The following PRKDC variants were observed in gnomAD, a reference collection of about 807,000 sequenced individuals.
PRKDC encodes protein kinase, DNA-activated, catalytic subunit, also known as DNA-dependent protein kinase catalytic subunit.
Under a neutral mutation model 486.9 loss-of-function variants are expected in PRKDC, and 82 were observed. That is an observed-to-expected ratio of 0.17 (90% CI 0.14 to 0.20). PRKDC has a LOEUF of 0.20. Among genes scored for constraint, PRKDC ranks in the 10% least tolerant of loss-of-function variants. The pLI is 1.00. For synonymous variants in PRKDC, 1,895 were observed against 1,837.0 expected (o/e 1.03, Z -0.81); for missense variants, 4,504 against 5,038.2 (o/e 0.89, Z 3.21).
intron 40 of PRKDC, among the ~76,000 whole-genome samples, chr8:47,876,285 C>T (rs1170880224): frequency 2.0e-5 from 3 of 152,120 alleles, no homozygotes; most frequent in African/African-American, 7.2e-5. Context: ...TTTACAAATT[C>T]AATATAGATA....
At chr8:47,893,472 T>C (rs1374351820) in intron 30 of PRKDC, 85 bp from the exon 31 acceptor site, 2 of 1,312,344 alleles carry the variant, frequency 1.5e-6, no homozygotes, top group East Asian at 2.8e-5. Flanking sequence ...CAAAATGTTA[T>C]GGGACAATCT....
At chr8:47,923,346 C>A (rs532088295) in intron 21 of PRKDC, among the ~76,000 whole-genome samples, 1 of 152,274 alleles carries the variant, frequency 6.6e-6, no homozygotes, top group African/African-American at 2.4e-5. Flanking sequence ...CCACTGTGTG[C>A]AGCCAAGAAA....
chr8:47,783,864 T>C, intron 77 of PRKDC, 55 bp from the exon 78 acceptor site: 1 of 1,521,132 alleles, frequency 6.6e-7, no homozygotes, highest in South Asian at 1.1e-5. Context: ...CCGCCTGTAT[T>C]TTAAAACATG....
At chr8:47,943,087 C>A (rs965077076) in intron 10 of PRKDC, 122 bp downstream of exon 10, 6 of 1,246,012 alleles carry the variant, frequency 4.8e-6, no homozygotes, top group Non-Finnish European at 6.6e-6. Context: ...CATCTTTCTG[C>A]TTTAAATACT....
At chr8:47,800,729 G>T in intron 71 of PRKDC, 64 bp downstream of exon 71, 1 of 1,424,482 alleles carries the variant, frequency 7.0e-7, no homozygotes, top group Non-Finnish European at 9.4e-7. Flanking sequence ...CTTTCCTGTA[G>T]CCTGAACACT....
intron 68 of PRKDC, among the ~76,000 whole-genome samples, chr8:47,811,560 T>C (rs1187098748): frequency 6.6e-6 from 1 of 152,234 alleles, no homozygotes; most frequent in Non-Finnish European, 1.5e-5. Context: ...TTCTTTAGAA[T>C]ATGTATGACT....
chr8:47,900,855 A>G (rs2089667654), intron 27 of PRKDC, among the ~76,000 whole-genome samples: 2 of 151,650 alleles, frequency 1.3e-5, no homozygotes, highest in Non-Finnish European at 2.9e-5. Context: ...GCTCAAAAAA[A>G]AAAAAAATTG....
At chr8:47,903,895 G>A (rs1038088622) in intron 26 of PRKDC, among the ~76,000 whole-genome samples, 3 of 151,960 alleles carry the variant, frequency 2.0e-5, no homozygotes, top group Non-Finnish European at 4.4e-5. Flanking sequence ...GACACTGCAG[G>A]GAATTAAACT....
intron 83 of PRKDC, 145 bp from the exon 84 acceptor site, chr8:47,778,019 G>A: frequency 7.2e-6 from 6 of 827,720 alleles, no homozygotes; most frequent in Non-Finnish European, 1.1e-5. Flanking sequence ...CTACACAGAT[G>A]TGAGTTCCTA....
intron 70 of PRKDC, among the ~76,000 whole-genome samples, chr8:47,801,204 TG>T (rs2087101641): frequency 6.6e-6 from 1 of 152,146 alleles, no homozygotes; most frequent in African/African-American, 2.4e-5. Context: ...CCCAATTAGC[TG>T]GGACTACAGG....
At chr8:47,824,092 T>TTA in intron 63 of PRKDC, 96 bp from the exon 64 acceptor site, 1 of 1,206,268 alleles carries the variant, frequency 8.3e-7, no homozygotes, top group Non-Finnish European at 1.1e-6. Flanking sequence ...TTGCCACACA[T>TTA]TATATTAACA....
intron 68 of PRKDC, among the ~76,000 whole-genome samples, chr8:47,809,816 A>G (rs1444077478): frequency 6.6e-6 from 1 of 152,212 alleles, no homozygotes; most frequent in Non-Finnish European, 1.5e-5. Flanking sequence ...CAGGGAAATC[A>G]AAACTGGGAA....
In PRKDC at chr8:47,927,137, T is replaced by C. The variant is rs183180789; in HGVS notation, c.2419+57A>G. 6.1e-4 allele frequency: 939 copies of C among 1,529,932 alleles called. 14 individuals carry two copies. The South Asian group carries it at 7.4e-3, about 12-fold the overall frequency. The allele number at this position is 1,529,932 out of a possible 1,614,324, so 94.8% of individuals were successfully genotyped here. ...TACAAAAATACAGTCCTACCTATTA[T>C]AGTTACTCCATTTCCATTTTAATTA... On this transcript the variant is annotated intron_variant, in intron 21 of 85. Transcript: ENST00000314191.
rs1458045671 is a variant in PRKDC, at chr8:47,831,864, G to C, written c.8215C>G (p.Leu2739Val). ...RRRFMRDQEKLSLMYARKGVA... is the reference protein window; with the variant it reads ...RRRFMRDQEKVSLMYARKGVA... ...CCTTTTCTGGCATACATCAAACTGAGCTTCTCCTGGTCCCTCATAAACCGT... is the reference window on the plus strand; with the variant it reads ...CCTTTTCTGGCATACATCAAACTGACCTTCTCCTGGTCCCTCATAAACCGT... The change falls in exon 60 of 86, where the codon CTC becomes GTC. Residue 2739 changes from leucine (L) to valine (V), a missense_variant. By Grantham distance (32) the Leu-to-Val change is conservative. This residue lies in a region of PRKDC where 1,592 missense variants were observed against 1,724.6 expected (regional missense o/e 0.92). Coordinates refer to ENST00000314191, the MANE Select transcript of PRKDC (RefSeq NM_006904.7). 2 of 1,613,870 alleles carry C rather than the reference G, an allele frequency of 1.2e-6. No individual in the cohort carries two copies. The highest frequency in any genetic ancestry group is 8.5e-7 in the Non-Finnish European group (1 of 1,179,882).
intron 25 of PRKDC, among the ~76,000 whole-genome samples, chr8:47,907,134 G>A (rs1395850108): frequency 2.0e-5 from 3 of 150,810 alleles, no homozygotes; most frequent in East Asian, 1.9e-4. Flanking sequence ...TCCGCCTCCC[G>A]GGTCCACGCC....
chr8:47,900,717 C>A (rs2089664755), intron 27 of PRKDC, among the ~76,000 whole-genome samples: 1 of 151,986 alleles, frequency 6.6e-6, no homozygotes, highest in Admixed American at 6.6e-5. Context: ...GGCGCGGTGG[C>A]AGGCGCCTGT....
At chr8:47,874,339 C>A (rs2089039319) in intron 40 of PRKDC, among the ~76,000 whole-genome samples, 1 of 151,968 alleles carries the variant, frequency 6.6e-6, no homozygotes, top group Non-Finnish European at 1.5e-5. Flanking sequence ...CTTCAGTCAC[C>A]CTGACCTGAT....
Position 47,957,224 on chromosome 8 carries a change from T to C in PRKDC, c.271A>G (p.Ile91Val), listed in dbSNP as rs774309614. The change falls in exon 3 of 86, where the codon ATT (isoleucine) becomes GTT (valine). Residue 91 changes from isoleucine (I) to valine (V), a missense_variant. Transcript: ENST00000314191. Reference sequence around the variant, plus strand: ...TTCTGGCCCATTTTTTCTAAGAAAATACATAAAAACTTTAGGATTTCTTCT... The same window carrying C: ...TTCTGGCCCATTTTTTCTAAGAAAACACATAAAAACTTTAGGATTTCTTCT... The part of the protein sequence containing the change: ...CREEILKFLC[I>V]FLEKMGQKIA... The C allele has an allele frequency of 1.7e-5, 27 of 1,602,278 alleles. No individual in the cohort carries two copies. The highest frequency in any genetic ancestry group is 2.3e-5 in the Non-Finnish European group (27 of 1,171,582).
chr8:47,775,690 G>A (rs1028509589), intron 85 of PRKDC, among the ~76,000 whole-genome samples: 1 of 152,006 alleles, frequency 6.6e-6, no homozygotes, highest in African/African-American at 2.4e-5. Flanking sequence ...AGCACTCTGT[G>A]AAGCACAAAA....
Sources: gnomAD v4.1 joint callset for allele counts (sites outside exome capture counted in the v4.1 genomes callset) on GRCh38, gnomAD v4.1.1 for gene constraint, gnomAD v4.1.1 regional missense constraint, MANE v1.5 for transcripts, NCBI Gene and HGNC (gene_info 2026-07-23, HGNC 2026-07-21) for gene names.